Variants in LRRFIP1 observed in about 807,000 individuals in gnomAD.
The protein encoded by LRRFIP1 is leucine-rich repeat flightless-interacting protein 1.
Under a neutral mutation model 104.4 loss-of-function variants are expected in LRRFIP1, and 62 were observed. The ratio of observed to expected loss-of-function variants is 0.59; its 90% CI spans 0.48 to 0.73. The LOEUF is 0.73. Among genes scored for constraint, LRRFIP1 ranks in the 30% least tolerant of loss-of-function variants. The probability of loss-of-function intolerance (pLI) is 0.00; values close to 1 mark genes in which losing one functional copy is unlikely to be tolerated. For missense variants in LRRFIP1, 796 were observed against 824.5 expected (o/e 0.97, Z 0.42); for synonymous variants, 300 against 299.0 (o/e 1.00, Z -0.03).
chr2:237,693,496 A>G (rs571502177), intron 1 of LRRFIP1, among the ~76,000 whole-genome samples: 3 of 152,244 alleles, frequency 2.0e-5, no homozygotes, highest in East Asian at 3.9e-4. Flanking sequence ...TTAAATGTCC[A>G]TTTTAGTGTG....
intron 1 of LRRFIP1, among the ~76,000 whole-genome samples, chr2:237,645,372 G>GACTCCTGTGTGAATGACCATCA (rs1553617358): frequency 6.6e-6 from 1 of 152,062 alleles, no homozygotes; most frequent in Non-Finnish European, 1.5e-5. Flanking sequence ...CCTCCTCACT[G>GACTCCTGTGTGAATGACCATCA]CCAAGATGCT....
At chr2:237,640,570 G>A (rs548545974) in intron 1 of LRRFIP1, among the ~76,000 whole-genome samples, 1 of 152,168 alleles carries the variant, frequency 6.6e-6, no homozygotes, top group Admixed American at 6.5e-5. Flanking sequence ...ATGAGAAGGG[G>A]GACTGGATGT....
rs984413456 is a variant in LRRFIP1 at position 237,717,529 on chromosome 2, G to A, written c.202-233G>A. Among the ~76,000 whole-genome samples, 3 of 152,158 alleles carry A rather than the reference G, an allele frequency of 2.0e-5. No individual in the cohort carries two copies. Among genetic ancestry groups the A allele is most frequent in the Admixed American group, 6.5e-5 (1 of 15,276 alleles). The stretch of plus-strand genomic sequence containing the variant: ...TCGTCCTGGGCTCTCTTGCTTTGCC[G>A]GGATGGGGTGGGCTGGGAGGATCTC... On this transcript the variant is annotated intron_variant, in intron 3 of 23. Coordinates refer to ENST00000308482, the MANE Select transcript of LRRFIP1 (RefSeq NM_001137550.2). This position sits in a 1 kb window ranked among gnomAD's most constrained non-coding sequence, Gnocchi z 4.2.
chr2:237,739,358 C>A (rs752594416), intron 11 of LRRFIP1, 49 bp downstream of exon 11: 15 of 1,469,680 alleles, frequency 1.0e-5, no homozygotes, highest in Non-Finnish European at 1.4e-5. Flanking sequence ...CCCTCCCTCC[C>A]CCTTCCCTTA....
At chr2:237,742,323 A>G (rs940658965) in intron 11 of LRRFIP1, among the ~76,000 whole-genome samples, 1 of 152,194 alleles carries the variant, frequency 6.6e-6, no homozygotes, top group African/African-American at 2.4e-5. Flanking sequence ...TGGCACGCTT[A>G]GGGAACAAAG....
At chr2:237,690,306 A>T (rs1328040776) in intron 1 of LRRFIP1, among the ~76,000 whole-genome samples, 1 of 152,202 alleles carries the variant, frequency 6.6e-6, no homozygotes, top group African/African-American at 2.4e-5. Context: ...TCAGAAGAAG[A>T]GGGCTGTTTT....
Position 237,711,014 on chromosome 2 carries a change from A to T in LRRFIP1, c.183+2384A>T, listed in dbSNP as rs952109906. ...AGCCTGAAGCAATGATCGGGCCATG[A>T]TTGTCCCTGTGTGTAGCCACTGCAC... On this transcript the variant is annotated intron_variant, in intron 2 of 23. Coordinates refer to ENST00000308482, the MANE Select transcript of LRRFIP1 (RefSeq NM_001137550.2). This position sits in a 1 kb window ranked among gnomAD's most constrained non-coding sequence, Gnocchi z 4.4. 6.6e-6 allele frequency among the ~76,000 whole-genome samples: 1 copy of T among 152,160 alleles called. No individual in the cohort carries two copies. Among genetic ancestry groups the T allele is most frequent in the African/African-American group, 2.4e-5 (1 of 41,434 alleles).
chr2:237,629,581 C>G (rs2082066482), intron 1 of LRRFIP1, among the ~76,000 whole-genome samples: 1 of 151,238 alleles, frequency 6.6e-6, no homozygotes, highest in African/African-American at 2.4e-5. Context: ...AAGAGATCCT[C>G]CTGCCTCAGC....
intron 22 of LRRFIP1, among the ~76,000 whole-genome samples, chr2:237,773,670 G>C (rs1054028040): frequency 5.3e-5 from 8 of 152,306 alleles, no homozygotes; most frequent in African/African-American, 1.7e-4. Context: ...TAGACATGGG[G>C]CACTCCTGCC....
chr2:237,754,693 A>C (rs2059061622), intron 15 of LRRFIP1, among the ~76,000 whole-genome samples: 1 of 152,192 alleles, frequency 6.6e-6, no homozygotes, highest in African/African-American at 2.4e-5. Context: ...GCTGAAGAAC[A>C]TTTTACGCAC....
At chr2:237,698,799 G>A (rs2093345524) in intron 1 of LRRFIP1, among the ~76,000 whole-genome samples, 2 of 145,258 alleles carry the variant, frequency 1.4e-5, no homozygotes, top group Admixed American at 1.4e-4. Flanking sequence ...CATACAGTGT[G>A]ATGGAGAGAC....
chr2:237,733,269 C>T (rs2095093813), intron 8 of LRRFIP1, among the ~76,000 whole-genome samples: 1 of 152,248 alleles, frequency 6.6e-6, no homozygotes, highest in East Asian at 1.9e-4. Context: ...GTGCCTCCCA[C>T]ACCAGCTGAG....
chr2:237,680,216 G>T (rs1477057464), intron 1 of LRRFIP1, among the ~76,000 whole-genome samples: 2 of 152,194 alleles, frequency 1.3e-5, no homozygotes, highest in African/African-American at 4.8e-5. Flanking sequence ...GGCTGGCCAG[G>T]CACAGTGGCT....
intron 8 of LRRFIP1, among the ~76,000 whole-genome samples, chr2:237,728,509 G>A (rs2094863235): frequency 6.6e-6 from 1 of 150,430 alleles, no homozygotes; most frequent in Admixed American, 6.6e-5. Context: ...GGTGCCAGTG[G>A]CAGGGGCATT....
At chr2:237,734,472 GT>G (rs2095166084) in intron 9 of LRRFIP1, among the ~76,000 whole-genome samples, 1 of 151,840 alleles carries the variant, frequency 6.6e-6, no homozygotes, top group Non-Finnish European at 1.5e-5. Flanking sequence ...GTAGAGACGG[GT>G]TTCACCACGT....
At chr2:237,732,959 T>C (rs1268905854) in intron 8 of LRRFIP1, among the ~76,000 whole-genome samples, 2 of 152,176 alleles carry the variant, frequency 1.3e-5, no homozygotes, top group East Asian at 3.8e-4. Context: ...TCGAGTCTTA[T>C]TCTAATCCAA....
chr2:237,655,822 G>A (rs1388908441), intron 1 of LRRFIP1, among the ~76,000 whole-genome samples: 1 of 152,208 alleles, frequency 6.6e-6, no homozygotes, highest in Non-Finnish European at 1.5e-5. Flanking sequence ...AACCCTCAAT[G>A]GAGATAATTA....
chr2:237,738,876 C>T (rs574100665), intron 10 of LRRFIP1, among the ~76,000 whole-genome samples: 2 of 152,214 alleles, frequency 1.3e-5, no homozygotes, highest in African/African-American at 2.4e-5. Context: ...GTTTCTGTGC[C>T]GGAAGGCAGC....
At position 237,753,341 on chromosome 2, in the gene LRRFIP1, G is replaced by T. The variant is rs761609945; in HGVS notation, c.900G>T (p.Lys300Asn). The T allele has an allele frequency of 1.3e-6, 2 of 1,591,884 alleles. No homozygotes were observed. The highest frequency in any genetic ancestry group is 2.3e-5 in the South Asian group (2 of 86,222). ...TAGCAGAAGTTGAAGAGAAATATAAGAAGGCTATGGTTTCCAATGCTCAGC... is the reference window on the plus strand; with the variant it reads ...TAGCAGAAGTTGAAGAGAAATATAATAAGGCTATGGTTTCCAATGCTCAGC... ...DSLAEVEEKYKKAMVSNAQLD... is the reference protein window; with the variant it reads ...DSLAEVEEKYNKAMVSNAQLD... Residue 300 changes from lysine (K) to asparagine (N), a missense_variant, in exon 15 of 24, where the codon AAG (lysine) becomes AAT (asparagine). Transcript: ENST00000308482.
Sources: allele counts gnomAD v4.1 joint callset (sites outside exome capture counted in the v4.1 genomes callset), GRCh38; gene constraint gnomAD v4.1.1; non-coding constraint Gnocchi (gnomAD v3.1); transcripts MANE v1.5; gene names NCBI Gene and HGNC (gene_info 2026-07-23, HGNC 2026-07-21).